The following TRHDE variants were observed in gnomAD, a reference collection of about 807,000 sequenced individuals.
TRHDE encodes the protein thyrotropin releasing hormone degrading enzyme.
Under a neutral mutation model 125.7 loss-of-function variants are expected in TRHDE, and 72 were observed. The ratio of observed to expected loss-of-function variants is 0.57; its 90% CI spans 0.47 to 0.70. The LOEUF (loss-of-function observed/expected upper bound fraction) is 0.70, where lower values mean the gene tolerates loss of function less well. TRHDE is among the 30% of genes least tolerant of loss of function. TRHDE has a pLI of 0.00. For synonymous variants in TRHDE, 509 were observed against 509.1 expected (o/e 1.00, Z 0.00); for missense variants, 1,110 against 1,327.1 (o/e 0.84, Z 2.54).
intron 12 of TRHDE, among the ~76,000 whole-genome samples, chr12:72,599,956 C>G (rs1308753134): frequency 6.6e-6 from 1 of 152,082 alleles, no homozygotes; most frequent in Non-Finnish European, 1.5e-5. Context: ...ATTCTTCTAG[C>G]ATATAGCTAG....
At chr12:72,578,425 C>T (rs1871098625) in intron 12 of TRHDE, among the ~76,000 whole-genome samples, 1 of 152,156 alleles carries the variant, frequency 6.6e-6, no homozygotes, top group Admixed American at 6.5e-5. Flanking sequence ...TCCTCATTCC[C>T]CTTGACTGTT....
At position 72,562,024 on chromosome 12, in the gene TRHDE, T is replaced by C. The variant is rs538929231; in HGVS notation, c.1789-141T>C. The C allele has an allele frequency of 8.3e-6, 4 of 482,276 alleles. No homozygotes were observed. The Admixed American group carries it at 1.5e-4, about 18-fold the overall frequency. The allele number at this position is 482,276 out of a possible 1,614,324, so 29.9% of individuals were successfully genotyped here. A position where few individuals can be genotyped will look rare whatever the true frequency, so the allele number is the denominator to read the frequency against. The stretch of plus-strand genomic sequence containing the variant: ...ATAGTTAAATCTCTTTGGAATATTT[T>C]TAAATGAGATTATTTATCTTTTTTA... On this transcript the variant is annotated intron_variant, in intron 7 of 18. Coordinates refer to ENST00000261180, the MANE Select transcript of TRHDE (RefSeq NM_013381.3).
Position 72,288,725 on chromosome 12 carries a change from T to G in TRHDE, c.1188+1771T>G, listed in dbSNP as rs367720267. Among the ~76,000 whole-genome samples the G allele has an allele frequency of 5.9e-5, 9 of 152,284 alleles. No homozygotes were observed. The East Asian group carries it at 7.7e-4, about 13-fold the overall frequency. ...AAGTGTTTTCAGCCCTAAACAATTA[T>G]GCTTGTTGCTAAGTGACCCATGTTT... On this transcript the variant is annotated intron_variant, in intron 2 of 18. Transcript: ENST00000261180.
chr12:72,185,128 T>C (rs1877176716), intron 2 of TRHDE, among the ~76,000 whole-genome samples: 1 of 152,114 alleles, frequency 6.6e-6, no homozygotes, highest in Admixed American at 6.5e-5. Flanking sequence ...GGGCCCGCAC[T>C]CGCACTCGGA....
chr12:72,190,111 C>G (rs1877308571), intron 2 of TRHDE, among the ~76,000 whole-genome samples: 1 of 152,050 alleles, frequency 6.6e-6, no homozygotes, highest in African/African-American at 2.4e-5. Flanking sequence ...TTTTGCCTCA[C>G]CAGGCATTAA....
At chr12:72,493,140 C>T (rs1430031374) in intron 5 of TRHDE, among the ~76,000 whole-genome samples, 1 of 151,910 alleles carries the variant, frequency 6.6e-6, no homozygotes, top group Non-Finnish European at 1.5e-5. Flanking sequence ...TTTAGTCAGA[C>T]ATTCTATTTG....
rs1309927659 is a variant in TRHDE at position 72,411,151 on chromosome 12, C to T, written c.1315+33030C>T. 2.7e-5 allele frequency among the ~76,000 whole-genome samples: 4 copies of T among 147,006 alleles called. No individual in the cohort carries two copies. In the East Asian group the frequency reaches 8.1e-4, roughly 30 times the overall value. ...CCAGGAGGCGGAGCTTGCAGTGAGC[C>T]GAGATTGCGCCACTGCACTCCAGCC... On this transcript the variant is annotated intron_variant, in intron 3 of 18. Coordinates refer to ENST00000261180, the MANE Select transcript of TRHDE (RefSeq NM_013381.3).
chr12:72,447,454 G>C (rs1345121720), intron 3 of TRHDE, among the ~76,000 whole-genome samples: 1 of 152,052 alleles, frequency 6.6e-6, no homozygotes, highest in African/African-American at 2.4e-5. Context: ...ATTTCTAACA[G>C]TCTCCTAGTG....
intron 15 of TRHDE, among the ~76,000 whole-genome samples, chr12:72,626,607 G>C (rs1194682567): frequency 1.3e-5 from 2 of 151,908 alleles, no homozygotes; most frequent in African/African-American, 4.8e-5. Flanking sequence ...AACAGTGCCT[G>C]TCTTGGCCTC....
chr12:72,169,442 A>G (rs769105080), intron 2 of TRHDE, among the ~76,000 whole-genome samples: 1 of 152,164 alleles, frequency 6.6e-6, no homozygotes, highest in Non-Finnish European at 1.5e-5. Flanking sequence ...GACGTCTCAG[A>G]TCAAGGTGCT....
chr12:72,088,723 T>G (rs764588244), intron 1 of TRHDE, among the ~76,000 whole-genome samples: 6 of 152,140 alleles, frequency 3.9e-5, no homozygotes, highest in Non-Finnish European at 7.4e-5. Context: ...TTACTGGTTC[T>G]TTCTCCTCTC....
intron 5 of TRHDE, among the ~76,000 whole-genome samples, chr12:72,475,376 G>A (rs1876843714): frequency 6.6e-6 from 1 of 151,852 alleles, no homozygotes; most frequent in Non-Finnish European, 1.5e-5. Context: ...GCTTTTTTTA[G>A]CTCATTCAGA....
chr12:72,593,593 G>A (rs1214904), intron 12 of TRHDE, among the ~76,000 whole-genome samples: 82,147 of 151,818 alleles, frequency 0.54, 26,359 homozygotes, highest in South Asian at 0.73. Context: ...GTATACATGT[G>A]CCATGTTGGT....
At chr12:72,516,458 T>G (rs1354221630) in intron 6 of TRHDE, among the ~76,000 whole-genome samples, 3 of 151,868 alleles carry the variant, frequency 2.0e-5, no homozygotes, top group Admixed American at 2.0e-4. Flanking sequence ...CTGTTATTGG[T>G]GTATAAGAAT....
chr12:72,383,567 G>A (rs965274880), intron 3 of TRHDE, among the ~76,000 whole-genome samples: 4 of 151,700 alleles, frequency 2.6e-5, no homozygotes, highest in Non-Finnish European at 5.9e-5. Flanking sequence ...AGTACAGACA[G>A]GGTTTCACTA....
At chr12:72,335,511 A>G (rs544645584) in intron 2 of TRHDE, among the ~76,000 whole-genome samples, 2 of 152,212 alleles carry the variant, frequency 1.3e-5, no homozygotes, top group South Asian at 4.1e-4. Flanking sequence ...GGCATATATC[A>G]TGCAGATCTT....
chr12:72,346,899 A>G (rs555681525), intron 2 of TRHDE, among the ~76,000 whole-genome samples: 17 of 152,042 alleles, frequency 1.1e-4, no homozygotes, highest in Non-Finnish European at 2.1e-4. Context: ...GCATCTCCTG[A>G]AGACTCTAAG....
intron 2 of TRHDE, among the ~76,000 whole-genome samples, chr12:72,339,506 G>A (rs141257098): frequency 1.1e-4 from 16 of 152,186 alleles, no homozygotes; most frequent in Admixed American, 7.2e-4. Flanking sequence ...TCTAAGGAAC[G>A]TCAGCATAGA....
intron 1 of TRHDE, among the ~76,000 whole-genome samples, chr12:72,099,415 A>G: frequency 6.6e-6 from 1 of 152,194 alleles, no homozygotes; most frequent in Non-Finnish European, 1.5e-5. Flanking sequence ...CACACTGAGA[A>G]TCTTTAGGTA....
Sources: gnomAD v4.1 joint callset for allele counts (sites outside exome capture counted in the v4.1 genomes callset) on GRCh38, gnomAD v4.1.1 for gene constraint, MANE v1.5 for transcripts, NCBI Gene and HGNC (gene_info 2026-07-23, HGNC 2026-07-21) for gene names.